Variants in KDM6A observed in about 807,000 individuals in gnomAD.
KDM6A encodes lysine demethylase 6A.
In KDM6A, 11 loss-of-function variants were observed where a neutral mutation model predicts 117.6. The ratio of observed to expected loss-of-function variants is 0.09; its 90% CI spans 0.06 to 0.15. The LOEUF (loss-of-function observed/expected upper bound fraction) is 0.15, where lower values mean the gene tolerates loss of function less well. Ranked by LOEUF, KDM6A falls within the 10% of genes least tolerant of loss-of-function variation. KDM6A has a pLI of 1.00. For missense variants in KDM6A, 799 were observed against 1,077.3 expected, an observed-to-expected ratio of 0.74 and a Z score of 3.62; for synonymous variants, 384 against 396.1, an observed-to-expected ratio of 0.97 and a Z score of 0.36.
chrX:44,919,874 TG>T (rs1297460465), intron 2 of KDM6A, among the ~76,000 whole-genome samples: 2 of 111,691 alleles, frequency 1.8e-5, no homozygotes, highest in Non-Finnish European at 3.8e-5. Context: ...CCTCCCAAAG[TG>T]CTGGGATTAC....
chrX:45,079,100 C>T (rs771421639), intron 20 of KDM6A, 46 bp from the exon 21 acceptor site: 32 of 1,026,978 alleles, frequency 3.1e-5, no homozygotes, highest in Admixed American at 4.6e-5. Context: ...AAATATTATC[C>T]CAAATATAAT....
intron 26 of KDM6A, 98 bp from the exon 27 acceptor site, chrX:45,090,625 G>T: frequency 1.1e-6 from 1 of 914,517 alleles, no homozygotes; most frequent in East Asian, 3.2e-5. Context: ...GAGGTTTTCA[G>T]AATTGATGTT....
chrX:44,909,264 C>T (rs763961196), intron 2 of KDM6A, among the ~76,000 whole-genome samples: 4 of 111,755 alleles, frequency 3.6e-5, no homozygotes, highest in Non-Finnish European at 7.5e-5. Flanking sequence ...TCTTATTCAT[C>T]CTTGAGTTTG....
rs752978586 is a variant in KDM6A at position 45,065,404 on chromosome X, C to T, written c.2079+1587C>T. On this transcript the variant is annotated intron_variant, in intron 17 of 29. Transcript: ENST00000611820. ...ATTTTATTCTGAGTATCCAGGAAAC[C>T]GTAGGGGGATTTTGAACAGAGGAGT... Among the ~76,000 whole-genome samples the T allele has an allele frequency of 9.8e-5, 11 of 111,793 alleles. No homozygotes were observed. In the South Asian group the frequency reaches 3.3e-3, roughly 34 times the overall value.
At chrX:45,076,507 T>C (rs2045121025) in intron 18 of KDM6A, among the ~76,000 whole-genome samples, 190 bp from the exon 19 acceptor site, 1 of 111,112 alleles carries the variant, frequency 9.0e-6, no homozygotes, top group African/African-American at 3.3e-5. Context: ...GTGGAGGATA[T>C]ATAGGAATCA....
chrX:45,104,141 C>T (rs760269183), intron 27 of KDM6A, among the ~76,000 whole-genome samples: 16 of 110,285 alleles, frequency 1.5e-4, no homozygotes, highest in Non-Finnish European at 2.5e-4. Flanking sequence ...TCTTCTGCCT[C>T]AGCCTCCCCA....
At chrX:45,074,546 G>A (rs1186658416) in intron 18 of KDM6A, among the ~76,000 whole-genome samples, 1 of 111,873 alleles carries the variant, frequency 8.9e-6, no homozygotes, top group Non-Finnish European at 1.9e-5. Flanking sequence ...CAGGTAGTCA[G>A]CATTTCAAAC....
intron 8 of KDM6A, among the ~76,000 whole-genome samples, chrX:45,047,242 A>C (rs1420434283): frequency 9.3e-6 from 1 of 107,160 alleles, no homozygotes; most frequent in Non-Finnish European, 1.9e-5. Flanking sequence ...TTTTTTTATC[A>C]GTTTTGGAAA....
chrX:45,027,619 A>G (rs1224676246), intron 6 of KDM6A, among the ~76,000 whole-genome samples: 4 of 110,763 alleles, frequency 3.6e-5, no homozygotes, highest in Non-Finnish European at 7.5e-5. Context: ...TTATAAAACT[A>G]TAAGATTTGG....
chrX:45,023,361 T>C (rs757451232), intron 6 of KDM6A, among the ~76,000 whole-genome samples: 10 of 111,222 alleles, frequency 9.0e-5, no homozygotes, highest in Admixed American at 1.9e-4. Context: ...TCCTTTTTTT[T>C]CCTCCCAATA....
intron 5 of KDM6A, among the ~76,000 whole-genome samples, chrX:45,020,127 A>C (rs1397761626): frequency 8.9e-6 from 1 of 111,787 alleles, no homozygotes; most frequent in Non-Finnish European, 1.9e-5. Context: ...AACCGCACAT[A>C]GTATAAAAGA....
intron 17 of KDM6A, among the ~76,000 whole-genome samples, chrX:45,068,713 C>T (rs1433212255): frequency 9.1e-6 from 1 of 109,559 alleles, no homozygotes; most frequent in Non-Finnish European, 1.9e-5. Context: ...TACAGGCACA[C>T]TTGTCAACAC....
intron 23 of KDM6A, 110 bp downstream of exon 23, chrX:45,082,899 A>T (rs993169904): frequency 3.7e-6 from 2 of 545,144 alleles, no homozygotes; most frequent in Non-Finnish European, 6.1e-6. Context: ...CATTTTTTTT[A>T]AGTTGACATG....
In KDM6A at chrX:44,951,205, CT is replaced by C. The variant is rs748986469; in HGVS notation, c.226-10076del. On this transcript the variant is annotated intron_variant, in intron 2 of 29. Coordinates refer to ENST00000611820, the MANE Select transcript of KDM6A (RefSeq NM_001291415.2). ...ACCCCTCTGTGCAGAGGTAAAATTG[CT>C]TTGCTAAGAATCCTTTGTTCGAGTG... is the stretch of plus-strand genomic sequence containing the variant. 2.4e-3 allele frequency among the ~76,000 whole-genome samples: 268 copies of C among 111,688 alleles called. 5 individuals carry two copies. In the South Asian group the frequency reaches 0.061, roughly 25 times the overall value.
chrX:44,911,652 G>T (rs1172155541), intron 2 of KDM6A, among the ~76,000 whole-genome samples: 4 of 112,239 alleles, frequency 3.6e-5, no homozygotes, highest in African/African-American at 1.3e-4. Flanking sequence ...TGCAATCTCG[G>T]CACTTTGGGA....
chrX:44,979,886 C>T (rs149042073), intron 4 of KDM6A, among the ~76,000 whole-genome samples: 107 of 111,224 alleles, frequency 9.6e-4, no homozygotes, highest in African/African-American at 3.2e-3. Context: ...TTCTCTGTTA[C>T]GTTCCAGTGA....
At chrX:44,907,871 C>T (rs2034829644) in intron 2 of KDM6A, among the ~76,000 whole-genome samples, 1 of 107,356 alleles carries the variant, frequency 9.3e-6, no homozygotes, top group Non-Finnish European at 1.9e-5. Context: ...CCTGGGGCTG[C>T]AAGAAGCATA....
At chrX:45,016,773 C>T (rs2041988623) in intron 5 of KDM6A, among the ~76,000 whole-genome samples, 1 of 111,477 alleles carries the variant, frequency 9.0e-6, no homozygotes, top group African/African-American at 3.3e-5. Flanking sequence ...GCTGGGATTA[C>T]AGGTATGAGC....
chrX:44,971,145 A>G (rs990861564), intron 3 of KDM6A, among the ~76,000 whole-genome samples: 5 of 111,818 alleles, frequency 4.5e-5, no homozygotes, highest in Admixed American at 2.8e-4. Flanking sequence ...TTTTTTTTCT[A>G]CAGCTGGTTT....
Sources: allele counts gnomAD v4.1 joint callset (sites outside exome capture counted in the v4.1 genomes callset), GRCh38; gene constraint gnomAD v4.1.1; transcripts MANE v1.5; gene names NCBI Gene and HGNC (gene_info 2026-07-23, HGNC 2026-07-21).